The following USP40 variants were observed in gnomAD, a reference collection of about 807,000 sequenced individuals.
USP40 encodes ubiquitin specific peptidase 40.
A neutral mutation model predicts 166.2 loss-of-function variants in USP40; 143 were observed. The ratio of observed to expected loss-of-function variants is 0.86; its 90% CI spans 0.75 to 0.99. The LOEUF (loss-of-function observed/expected upper bound fraction) is 0.99. Among genes scored for constraint, USP40 ranks in the 50% least tolerant of loss-of-function variants. The pLI, the probability that USP40 is intolerant of heterozygous loss-of-function variation, is 0.00. For synonymous variants in USP40, 498 were observed against 524.0 expected (o/e 0.95, Z 0.68); for missense variants, 1,444 against 1,479.7 (o/e 0.98, Z 0.40).
At chr2:233,556,786 T>C in intron 5 of USP40, 69 bp downstream of exon 5, 1 of 1,425,888 alleles carries the variant, frequency 7.0e-7, no homozygotes, top group Middle Eastern at 1.9e-4. Context: ...GTGGTATATA[T>C]CATACATTTA....
At chr2:233,489,259 G>A (rs954388985) in intron 27 of USP40, 106 bp downstream of exon 27, 8 of 1,090,460 alleles carry the variant, frequency 7.3e-6, no homozygotes, top group African/African-American at 3.1e-5. Flanking sequence ...CCAGGAATGG[G>A]CTTTGTTGTC....
chr2:233,559,739 A>G, intron 4 of USP40, 72 bp downstream of exon 4: 1 of 1,035,886 alleles, frequency 9.7e-7, no homozygotes, highest in Non-Finnish European at 1.4e-6. Flanking sequence ...AAAGGAAGTT[A>G]GATAACATTA....
chr2:233,533,005 T>C (rs1160859783), intron 11 of USP40, among the ~76,000 whole-genome samples: 2 of 151,532 alleles, frequency 1.3e-5, no homozygotes, highest in Non-Finnish European at 2.9e-5. Flanking sequence ...TATGAAAAGA[T>C]ATAAATAAAG....
chr2:233,485,471 A>G (rs2064883632), intron 30 of USP40, 60 bp downstream of exon 30: 1 of 1,316,672 alleles, frequency 7.6e-7, no homozygotes, highest in Non-Finnish European at 1.1e-6. Flanking sequence ...AAACGTCTCT[A>G]TAAAATCATG....
chr2:233,480,756 C>T lies in USP40; in HGVS notation c.3599+447G>A, dbSNP rs556991406. Reference sequence around the variant, plus strand: ...GGTAGCAGCCCTGAAGCCACAGCAGCGTCCCCTGGAGTGGCCAGGCTCTCG... The same window carrying T: ...GGTAGCAGCCCTGAAGCCACAGCAGTGTCCCCTGGAGTGGCCAGGCTCTCG... On this transcript the variant is annotated intron_variant, in intron 31 of 31. Coordinates refer to ENST00000678225, the MANE Select transcript of USP40 (RefSeq NM_001365479.2). This position sits in a 1 kb window ranked among gnomAD's most constrained non-coding sequence, Gnocchi z 4.5. Among the ~76,000 whole-genome samples the T allele has an allele frequency of 6.6e-5, 10 of 152,286 alleles. No individual in the cohort carries two copies. In the East Asian group the frequency reaches 1.4e-3, roughly 21 times the overall value.
rs1438155501 is a variant in USP40 at position 233,494,934 on chromosome 2, ATATATATATATATATATATATT to A, written c.2791-1405_2791-1384del. On this transcript the variant is annotated intron_variant, in intron 24 of 31. Transcript: ENST00000678225. ...AAATGGCATATATATATATATATAT[ATATATATATATATATATATATT>A]TATATATATATATATATATATATAC... Among the ~76,000 whole-genome samples the A allele has an allele frequency of 1.0e-3, 43 of 43,182 alleles. 1 individual carries two copies. Among genetic ancestry groups the A allele is most frequent in the African/African-American group, 4.9e-3 (31 of 6,288 alleles). The allele number at this position is 43,182 out of a possible 152,430, so 28.3% of individuals were successfully genotyped here.
At chr2:233,542,793 T>C (rs1413996155) in intron 8 of USP40, among the ~76,000 whole-genome samples, 1 of 152,204 alleles carries the variant, frequency 6.6e-6, no homozygotes, top group African/African-American at 2.4e-5. Flanking sequence ...TGAGCAATCC[T>C]GGACAATTTA....
chr2:233,549,793 A>G (rs925405420), intron 7 of USP40, among the ~76,000 whole-genome samples: 4 of 152,076 alleles, frequency 2.6e-5, no homozygotes, highest in African/African-American at 4.8e-5. Flanking sequence ...ATGACTATCA[A>G]CTGTTTTTGT....
intron 9 of USP40, 109 bp from the exon 10 acceptor site, chr2:233,540,878 A>G (rs1246338006): frequency 2.0e-5 from 12 of 595,816 alleles, no homozygotes; most frequent in Non-Finnish European, 3.1e-5. Context: ...TGCCTAGAAC[A>G]GCAAACACGT....
At chr2:233,499,857 G>A in intron 22 of USP40, 22 bp downstream of exon 22, 3 of 1,605,390 alleles carry the variant, frequency 1.9e-6, no homozygotes, top group Non-Finnish European at 2.6e-6. Flanking sequence ...TAAGTAATAT[G>A]TCATCATGGT....
At chr2:233,559,985 AAAC>A in intron 3 of USP40, 61 bp from the exon 4 acceptor site, 1 of 1,213,152 alleles carries the variant, frequency 8.2e-7, no homozygotes, top group South Asian at 1.4e-5. Context: ...AGGCTTTTGA[AAAC>A]AACTGCATAC....
rs777753991 is a variant in USP40, at chr2:233,511,802, A to C, written c.2438-5T>G. The C allele has an allele frequency of 6.3e-7, 1 of 1,598,844 alleles. No homozygotes were observed. Among genetic ancestry groups the C allele is most frequent in the Non-Finnish European group, 8.5e-7 (1 of 1,173,004 alleles). ...TCAAAGTATAGCTGTCCGGCACTTA[A>C]AAAAATTTTGATAATATGATGAAGG... On this transcript the variant is annotated splice_polypyrimidine_tract_variant and splice_region_variant and intron_variant, in intron 19 of 31. Coordinates refer to ENST00000678225, the MANE Select transcript of USP40 (RefSeq NM_001365479.2).
intron 7 of USP40, among the ~76,000 whole-genome samples, chr2:233,549,972 TA>T (rs2070403116): frequency 6.6e-6 from 1 of 152,134 alleles, no homozygotes; most frequent in Non-Finnish European, 1.5e-5. Context: ...AGAGATACTT[TA>T]AAGATGTTTA....
intron 7 of USP40, among the ~76,000 whole-genome samples, chr2:233,550,544 G>A (rs1381682543): frequency 1.3e-5 from 2 of 150,752 alleles, no homozygotes; most frequent in Non-Finnish European, 3.0e-5. Context: ...TGAAGTAAAG[G>A]AAGGCCCATT....
chr2:233,490,314 C>T (rs2065256095), intron 26 of USP40, among the ~76,000 whole-genome samples: 1 of 151,778 alleles, frequency 6.6e-6, no homozygotes, highest in South Asian at 2.1e-4. Flanking sequence ...AGGTGCCTGC[C>T]ACCGTGCCAG....
At chr2:233,539,930 T>C (rs1296826967) in intron 10 of USP40, among the ~76,000 whole-genome samples, 1 of 151,980 alleles carries the variant, frequency 6.6e-6, no homozygotes, top group African/African-American at 2.4e-5. Context: ...GTCCAGGAGT[T>C]TGAGACCAGC....
intron 30 of USP40, among the ~76,000 whole-genome samples, chr2:233,483,413 C>T (rs894590493): frequency 2.0e-5 from 3 of 152,162 alleles, no homozygotes; most frequent in African/African-American, 7.2e-5. Context: ...ATCGCTTGAG[C>T]CCGTGAGGCA....
At chr2:233,516,862 G>GA (rs774667692) in intron 18 of USP40, among the ~76,000 whole-genome samples, 175 of 112,982 alleles carry the variant, frequency 1.5e-3, no homozygotes, top group Middle Eastern at 4.8e-3. Context: ...GTCTCGAATT[G>GA]AAAAAAAAAA....
Position 233,566,565 on chromosome 2 carries a change from C to A in USP40, c.-20+119G>T, listed in dbSNP as rs765013281. On this transcript the variant is annotated intron_variant, in intron 1 of 31. Coordinates refer to ENST00000678225, the MANE Select transcript of USP40 (RefSeq NM_001365479.2). ...CCACTGCCCCGACTCCAGGAGAGCGCCGCGTCCTCAGGCAGGCCTGGGCAG... is the reference window on the plus strand; with the variant it reads ...CCACTGCCCCGACTCCAGGAGAGCGACGCGTCCTCAGGCAGGCCTGGGCAG... 130 of 530,770 alleles carry A rather than the reference C, an allele frequency of 2.4e-4. 1 individual carries two copies. Among genetic ancestry groups the A allele is most frequent in the Admixed American group, 1.9e-4 (3 of 15,746 alleles). 32.9% of individuals were successfully genotyped at this position (530,770 alleles called of 1,614,324 possible). A position where few individuals can be genotyped will look rare whatever the true frequency, so the allele number is the denominator to read the frequency against.
Sources: allele counts gnomAD v4.1 joint callset (sites outside exome capture counted in the v4.1 genomes callset), GRCh38; gene constraint gnomAD v4.1.1; non-coding constraint Gnocchi (gnomAD v3.1); transcripts MANE v1.5; gene names NCBI Gene and HGNC (gene_info 2026-07-23, HGNC 2026-07-21).